SNX31: variants seen among roughly 807,000 people sequenced by gnomAD.
SNX31 encodes sorting nexin-31.
A neutral mutation model predicts 65.4 loss-of-function variants in SNX31; 58 were observed. The observed-to-expected ratio is 0.89, with a 90% CI of 0.72 to 1.10. The LOEUF (loss-of-function observed/expected upper bound fraction) is 1.10. Ranked by LOEUF, SNX31 falls within the 50% of genes least tolerant of loss-of-function variation. SNX31 has a pLI of 0.00. For missense variants in SNX31, 523 were observed against 529.7 expected, an observed-to-expected ratio of 0.99 and a Z score of 0.12; for synonymous variants, 181 against 190.1, an observed-to-expected ratio of 0.95 and a Z score of 0.39.
rs142043228 is a variant in SNX31 at position 100,646,675 on chromosome 8, G to A, written c.141+2599C>T. 3.0e-4 allele frequency among the ~76,000 whole-genome samples: 45 copies of A among 150,920 alleles called. 1 individual carries two copies. In the East Asian group the frequency reaches 8.5e-3, roughly 29 times the overall value. ...TCAAGGACAAGGGGACTTTTAGAGT[G>A]AGGCAAAAAAAAATTTTAACCTCGA... On this transcript the variant is annotated intron_variant, in intron 2 of 13. Coordinates refer to ENST00000311812, the MANE Select transcript of SNX31 (RefSeq NM_152628.4).
At position 100,576,927 on chromosome 8, in the gene SNX31, T is replaced by C. The variant is rs759605882; in HGVS notation, c.1227+92A>G. The C allele has an allele frequency of 8.2e-5, 84 of 1,019,184 alleles. No individual in the cohort carries two copies. The highest frequency in any genetic ancestry group is 1.2e-4 in the Non-Finnish European group (83 of 673,418). The allele number at this position is 1,019,184 out of a possible 1,614,324, so 63.1% of individuals were successfully genotyped here. ...TTCTGAGAAACATAATTCTGACTTA[T>C]TATTGAAAGTGAGATGACTTTGGTT... is the stretch of plus-strand genomic sequence containing the variant. On this transcript the variant is annotated intron_variant, in intron 13 of 13. Transcript: ENST00000311812. The surrounding 1 kb of genome is among the most constrained non-coding windows in gnomAD (Gnocchi z 4.8).
intron 3 of SNX31, among the ~76,000 whole-genome samples, chr8:100,634,475 G>T (rs1175766746): frequency 6.6e-6 from 1 of 152,026 alleles, no homozygotes; most frequent in Non-Finnish European, 1.5e-5. Context: ...GGCCAGGCAT[G>T]GTGGCTCACC....
chr8:100,647,194 G>A (rs144404589), intron 2 of SNX31, among the ~76,000 whole-genome samples: 18 of 152,052 alleles, frequency 1.2e-4, no homozygotes, highest in East Asian at 3.8e-4. Context: ...ATTCATATGC[G>A]ATATATGGAA....
At chr8:100,623,774 G>A (rs532752000) in intron 4 of SNX31, among the ~76,000 whole-genome samples, 4 of 151,954 alleles carry the variant, frequency 2.6e-5, no homozygotes, top group African/African-American at 4.8e-5. Flanking sequence ...CTTCTCTACC[G>A]GCTCCTACTC....
chr8:100,580,684 G>T (rs1450928133), intron 12 of SNX31, among the ~76,000 whole-genome samples: 1 of 152,162 alleles, frequency 6.6e-6, no homozygotes, highest in East Asian at 1.9e-4. Flanking sequence ...ACATACAGAA[G>T]ATCCACAATA....
intron 2 of SNX31, among the ~76,000 whole-genome samples, chr8:100,646,804 A>T (rs1587093375): frequency 1.3e-5 from 2 of 152,324 alleles, no homozygotes; most frequent in South Asian, 4.1e-4. Flanking sequence ...CAGTAAAAGT[A>T]TGTTAGTTTA....
chr8:100,639,533 G>A (rs935922346), intron 2 of SNX31, among the ~76,000 whole-genome samples: 1 of 152,218 alleles, frequency 6.6e-6, no homozygotes, highest in African/African-American at 2.4e-5. Context: ...TGTAGTGGCA[G>A]TTTACACATA....
Position 100,580,308 on chromosome 8 carries a change from A to G in SNX31, c.1171-3233T>C, listed in dbSNP as rs551695777. On this transcript the variant is annotated intron_variant, in intron 12 of 13. Coordinates refer to ENST00000311812, the MANE Select transcript of SNX31 (RefSeq NM_152628.4). ...AATTCCTTAGGAACACATCTATTGC[A>G]TAAAATACATCTACTATCTTTTCTT... 3.3e-5 allele frequency among the ~76,000 whole-genome samples: 5 copies of G among 152,326 alleles called. No homozygotes were observed. The South Asian group carries it at 8.3e-4, about 25-fold the overall frequency.
intron 1 of SNX31, among the ~76,000 whole-genome samples, chr8:100,656,536 G>A (rs1477472265): frequency 6.7e-6 from 1 of 150,136 alleles, no homozygotes; most frequent in Non-Finnish European, 1.5e-5. Flanking sequence ...AGCTACTCGG[G>A]AGGCCAAGGC....
At chr8:100,584,449 C>G (rs1213732931) in intron 11 of SNX31, among the ~76,000 whole-genome samples, 1 of 152,020 alleles carries the variant, frequency 6.6e-6, no homozygotes, top group Non-Finnish European at 1.5e-5. Flanking sequence ...TAACATTTTT[C>G]CTCTTAAAAC....
intron 5 of SNX31, among the ~76,000 whole-genome samples, chr8:100,615,742 T>C (rs999897549): frequency 1.3e-4 from 20 of 152,182 alleles, no homozygotes; most frequent in African/African-American, 4.1e-4. Context: ...CTGGTAAGTA[T>C]TGGTGTATCT....
intron 5 of SNX31, 75 bp downstream of exon 5, chr8:100,617,545 G>T: frequency 2.9e-6 from 3 of 1,017,468 alleles, no homozygotes; most frequent in Non-Finnish European, 4.5e-6. Flanking sequence ...GAAGGTAACC[G>T]TATCCCATTC....
chr8:100,585,996 CTA>C (rs566986420), intron 11 of SNX31, among the ~76,000 whole-genome samples: 222 of 152,262 alleles, frequency 1.5e-3, no homozygotes, highest in African/African-American at 5.1e-3. Context: ...TCTTGGCTCA[CTA>C]CAACCTTCGC....
At chr8:100,657,900 AC>A in intron 1 of SNX31, 1 of 357,992 alleles carries the variant, frequency 2.8e-6, no homozygotes, top group African/African-American at 2.2e-5. Flanking sequence ...AAAAATAACA[AC>A]AACAACAACA....
At chr8:100,611,592 G>A (rs540736738) in intron 7 of SNX31, among the ~76,000 whole-genome samples, 1 of 152,212 alleles carries the variant, frequency 6.6e-6, no homozygotes, top group African/African-American at 2.4e-5. Flanking sequence ...GTCTTGCACT[G>A]TTGCCCAGGT....
intron 4 of SNX31, among the ~76,000 whole-genome samples, chr8:100,621,321 A>G (rs557062712): frequency 1.2e-3 from 180 of 152,246 alleles, no homozygotes; most frequent in Non-Finnish European, 2.2e-3. Context: ...TTCACTCTCA[A>G]AAGCATCCCA....
Position 100,588,120 on chromosome 8 carries a change from A to AC in SNX31, c.1092+745_1092+746insG, listed in dbSNP as rs1027587107. Among the ~76,000 whole-genome samples, 2 of 152,088 alleles carry AC rather than the reference A, an allele frequency of 1.3e-5. No homozygotes were observed. The highest frequency in any genetic ancestry group is 2.9e-5 in the Non-Finnish European group (2 of 68,006). ...ACAGGAAAAAGGTGAAACATTAAAA[A>AC]AAAACATAAAAAAGGTACAGTAAAA... On this transcript the variant is annotated intron_variant, in intron 11 of 13. Transcript: ENST00000311812. The surrounding 1 kb of genome is among the most constrained non-coding windows in gnomAD (Gnocchi z 4.8).
In SNX31 at chr8:100,573,866, C is replaced by A. The variant is rs748703713; in HGVS notation, c.1322G>T (p.Ter441LeuextTer17). 4 of 1,566,278 alleles carry A rather than the reference C, an allele frequency of 2.6e-6. No homozygotes were observed. The highest frequency in any genetic ancestry group is 2.3e-5 in the South Asian group (2 of 85,180). Residue 441 changes from the stop codon to leucine, a stop_lost, in exon 14 of 14, where the codon TGA (stop) becomes TTA (leucine). Coordinates refer to ENST00000311812, the MANE Select transcript of SNX31 (RefSeq NM_152628.4). ...TATTTTAAAATATGAGAGCTTTCTT[C>A]AGAGATCTTCTTCCTTTATGTTCCC... ...VFGNIKEEDL[*>L]
Position 100,573,867 on chromosome 8 carries a change from A to G in SNX31, c.1321T>C (p.Ter441ArgextTer17), listed in dbSNP as rs1296003916. The G allele has an allele frequency of 6.4e-7, 1 of 1,566,388 alleles. No individual in the cohort carries two copies. The highest frequency in any genetic ancestry group is 1.9e-5 in the Admixed American group (1 of 51,836). ...ATTTTAAAATATGAGAGCTTTCTTC[A>G]GAGATCTTCTTCCTTTATGTTCCCA... ...VFGNIKEEDL[*>R] The change falls in exon 14 of 14, where the codon TGA (stop) becomes CGA (arginine). Residue 441 changes from the stop codon to arginine (R), a stop_lost. Transcript: ENST00000311812.
Sources: gnomAD v4.1 joint callset for allele counts (sites outside exome capture counted in the v4.1 genomes callset) on GRCh38, gnomAD v4.1.1 for gene constraint, Gnocchi (gnomAD v3.1) non-coding constraint, MANE v1.5 for transcripts, NCBI Gene and HGNC (gene_info 2026-07-23, HGNC 2026-07-21) for gene names.